Variants in ASB5 observed in about 807,000 individuals in gnomAD.
ASB5 encodes ankyrin repeat and SOCS box containing 5, also known as ankyrin repeat and SOCS box protein 5.
A neutral mutation model predicts 42.1 loss-of-function variants in ASB5; 45 were observed. The observed-to-expected ratio is 1.07, with a 90% CI of 0.84 to 1.37. ASB5 has a LOEUF of 1.37. Ranked by LOEUF, ASB5 falls within the 40% of genes most tolerant of loss-of-function variation. The pLI is 0.00. For missense variants in ASB5, 402 were observed against 399.8 expected, an observed-to-expected ratio of 1.01 and a Z score of -0.05; for synonymous variants, 147 against 150.6, an observed-to-expected ratio of 0.98 and a Z score of 0.18.
intron 1 of ASB5, among the ~76,000 whole-genome samples, chr4:176,276,444 A>G (rs11735444): frequency 6.6e-6 from 1 of 152,034 alleles, no homozygotes; most frequent in Admixed American, 6.6e-5. Flanking sequence ...ATCCATTTCT[A>G]TAATCAGAAT....
intron 6 of ASB5, 75 bp downstream of exon 6, chr4:176,216,742 CA>C: frequency 2.4e-6 from 3 of 1,274,822 alleles, no homozygotes; most frequent in Non-Finnish European, 3.2e-6. Context: ...TCCATGCCAA[CA>C]AAAACTCTCT....
At chr4:176,266,711 G>C (rs1316428272) in intron 1 of ASB5, among the ~76,000 whole-genome samples, 2 of 151,804 alleles carry the variant, frequency 1.3e-5, no homozygotes, top group Non-Finnish European at 2.9e-5. Flanking sequence ...TGATATTAGA[G>C]GGGAAATTTT....
intron 5 of ASB5, among the ~76,000 whole-genome samples, chr4:176,220,007 AC>A (rs1405136283): frequency 2.6e-5 from 4 of 152,196 alleles, no homozygotes; most frequent in African/African-American, 9.7e-5. Flanking sequence ...ATACACTAAC[AC>A]TAATGATAGC....
At chr4:176,226,742 T>G (rs1036389972) in intron 1 of ASB5, among the ~76,000 whole-genome samples, 4 of 152,202 alleles carry the variant, frequency 2.6e-5, no homozygotes, top group South Asian at 4.1e-4. Flanking sequence ...TTAGCAGGAA[T>G]AGCAGCTTGA....
At chr4:176,227,598 C>T (rs1315818936) in intron 1 of ASB5, among the ~76,000 whole-genome samples, 1 of 152,190 alleles carries the variant, frequency 6.6e-6, no homozygotes, top group African/African-American at 2.4e-5. Flanking sequence ...TTTATCCTCA[C>T]CCTGATCCTT....
intron 1 of ASB5, among the ~76,000 whole-genome samples, chr4:176,257,763 G>A (rs1218559521): frequency 6.6e-6 from 1 of 152,124 alleles, no homozygotes; most frequent in Non-Finnish European, 1.5e-5. Context: ...CACTCACCCC[G>A]TGTTTATTCG....
chr4:176,247,970 T>C (rs994813005), intron 1 of ASB5, among the ~76,000 whole-genome samples: 1 of 152,188 alleles, frequency 6.6e-6, no homozygotes, highest in African/African-American at 2.4e-5. Context: ...GGAAGACAGA[T>C]GGCCTGATAG....
At chr4:176,225,479 T>C in intron 1 of ASB5, 138 bp from the exon 2 acceptor site, 7 of 661,014 alleles carry the variant, frequency 1.1e-5, no homozygotes, top group South Asian at 2.2e-5. Flanking sequence ...ATACTTATAC[T>C]GTACATTAGG....
At chr4:176,261,057 G>A (rs1394191471) in intron 1 of ASB5, among the ~76,000 whole-genome samples, 4 of 152,144 alleles carry the variant, frequency 2.6e-5, no homozygotes, top group African/African-American at 9.7e-5. Flanking sequence ...GGTGGCTTTG[G>A]AGGAAGAGGT....
intron 1 of ASB5, among the ~76,000 whole-genome samples, chr4:176,239,179 TG>T (rs1478582577): frequency 1.3e-5 from 2 of 152,184 alleles, no homozygotes; most frequent in East Asian, 3.8e-4. Context: ...CATATTTACA[TG>T]AAGCAATTGT....
At chr4:176,226,615 CCTGA>C (rs1390925014) in intron 1 of ASB5, among the ~76,000 whole-genome samples, 25 of 152,094 alleles carry the variant, frequency 1.6e-4, no homozygotes, top group South Asian at 8.3e-4. Flanking sequence ...TCTGGAGAAC[CCTGA>C]CTAATACACC....
chr4:176,245,553 A>G (rs11723587), intron 1 of ASB5, among the ~76,000 whole-genome samples: 24,426 of 152,210 alleles, frequency 0.16, 2,611 homozygotes, highest in Middle Eastern at 0.29. Flanking sequence ...CTGGGTATAT[A>G]CCCAAAGGAT....
intron 1 of ASB5, among the ~76,000 whole-genome samples, chr4:176,235,779 T>G (rs1169081231): frequency 6.6e-6 from 1 of 150,524 alleles, no homozygotes; most frequent in East Asian, 1.9e-4. Flanking sequence ...AGTGAAAGTT[T>G]GCTAAGACTT....
At chr4:176,244,756 A>C (rs914871186) in intron 1 of ASB5, among the ~76,000 whole-genome samples, 1 of 152,164 alleles carries the variant, frequency 6.6e-6, no homozygotes, top group Non-Finnish European at 1.5e-5. Flanking sequence ...TCTACAAAAA[A>C]ATAATTTAAA....
At chr4:176,252,085 A>AG (rs1491551143) in intron 1 of ASB5, among the ~76,000 whole-genome samples, 2,396 of 30,332 alleles carry the variant, frequency 0.079, 86 homozygotes, top group African/African-American at 0.27. Flanking sequence ...AAAAAAAAAG[A>AG]AAAAAAAAAA....
chr4:176,233,283 C>T lies in ASB5; in HGVS notation c.197-7942G>A, dbSNP rs146739102. ...CTCTTGGCTATATATCTGTAGGAGA[C>T]AAAAATAGATATTGTCAAAATTTAG... On this transcript the variant is annotated intron_variant, in intron 1 of 6. Transcript: ENST00000296525. Among the ~76,000 whole-genome samples, 871 of 152,238 alleles carry T rather than the reference C, an allele frequency of 5.7e-3. 6 individuals carry two copies. Among genetic ancestry groups the T allele is most frequent in the African/African-American group, 0.019 (770 of 41,544 alleles).
At chr4:176,221,383 C>A in intron 4 of ASB5, 67 bp downstream of exon 4, 1 of 1,597,834 alleles carries the variant, frequency 6.3e-7, no homozygotes, top group Non-Finnish European at 8.5e-7. Flanking sequence ...ATTGAAAGAT[C>A]AACAGAGCAC....
At chr4:176,256,485 G>C (rs893808343) in intron 1 of ASB5, among the ~76,000 whole-genome samples, 1 of 152,142 alleles carries the variant, frequency 6.6e-6, no homozygotes, top group African/African-American at 2.4e-5. Flanking sequence ...TGTGCATAAG[G>C]CTCCAGATAA....
intron 1 of ASB5, among the ~76,000 whole-genome samples, chr4:176,229,607 C>T (rs571745899): frequency 5.9e-5 from 9 of 151,998 alleles, no homozygotes; most frequent in South Asian, 4.2e-4. Flanking sequence ...CCCAGGCTGT[C>T]GCTTAGCTTT....
Sources: allele counts gnomAD v4.1 joint callset (sites outside exome capture counted in the v4.1 genomes callset), GRCh38; gene constraint gnomAD v4.1.1; transcripts MANE v1.5; gene names NCBI Gene and HGNC (gene_info 2026-07-23, HGNC 2026-07-21).